Variants in ZBTB7C observed in about 807,000 individuals in gnomAD.
The protein encoded by ZBTB7C is zinc finger and BTB domain containing 7C.
A neutral mutation model predicts 25.7 loss-of-function variants in ZBTB7C; 8 were observed. The ratio of observed to expected loss-of-function variants is 0.31; its 90% CI spans 0.18 to 0.56. ZBTB7C has a LOEUF of 0.56. ZBTB7C is among the 20% of genes least tolerant of loss of function. ZBTB7C has a pLI of 0.91. For missense variants in ZBTB7C, 824 were observed against 855.2 expected (o/e 0.96, Z 0.46); for synonymous variants, 394 against 369.0 (o/e 1.07, Z -0.78).
rs149460914 is a variant in ZBTB7C at position 48,044,188 on chromosome 18, C to T, written c.-16-3065G>A. ...GCATTTCTCTGGGGGCTCAGATGGA[C>T]CATACCCACCCAGATCCCTCGAGGG... On this transcript the variant is annotated intron_variant, in intron 3 of 4. Transcript: ENST00000590800. 5.3e-3 allele frequency among the ~76,000 whole-genome samples: 805 copies of T among 152,318 alleles called. 9 individuals carry two copies. Among genetic ancestry groups the T allele is most frequent in the African/African-American group, 0.018 (751 of 41,576 alleles).
At chr18:48,179,780 T>G (rs2041828314) in intron 3 of ZBTB7C, among the ~76,000 whole-genome samples, 1 of 117,392 alleles carries the variant, frequency 8.5e-6, no homozygotes, top group Non-Finnish European at 1.7e-5. Context: ...ATATTTCTCC[T>G]TCTCTCCCTC....
chr18:48,302,671 G>A (rs958844912), intron 2 of ZBTB7C, among the ~76,000 whole-genome samples: 1 of 151,864 alleles, frequency 6.6e-6, no homozygotes, highest in African/African-American at 2.4e-5. Flanking sequence ...TTAGATATTT[G>A]AGTCTGAACC....
At chr18:48,401,574 C>T (rs898254570) in intron 1 of ZBTB7C, among the ~76,000 whole-genome samples, 33 of 152,178 alleles carry the variant, frequency 2.2e-4, no homozygotes, top group African/African-American at 7.7e-4. Flanking sequence ...TCAGTTTCCC[C>T]ATCTGCAGTA....
chr18:48,066,016 G>A (rs1280824963), intron 3 of ZBTB7C, among the ~76,000 whole-genome samples: 1 of 152,174 alleles, frequency 6.6e-6, no homozygotes, highest in Non-Finnish European at 1.5e-5. Flanking sequence ...ATGCATGGAA[G>A]CTTCTTGTGT....
At chr18:48,361,012 G>A (rs2047092475) in intron 1 of ZBTB7C, among the ~76,000 whole-genome samples, 1 of 152,146 alleles carries the variant, frequency 6.6e-6, no homozygotes, top group Non-Finnish European at 1.5e-5. Flanking sequence ...GAAGATGCCA[G>A]TGGAGGGAGA....
intron 2 of ZBTB7C, among the ~76,000 whole-genome samples, chr18:48,247,660 C>T (rs2043732619): frequency 6.6e-6 from 1 of 152,216 alleles, no homozygotes; most frequent in African/African-American, 2.4e-5. Context: ...TTTGTGTCCC[C>T]ACCCAAATCT....
At chr18:48,120,959 G>A (rs2039607850) in intron 3 of ZBTB7C, among the ~76,000 whole-genome samples, 2 of 152,236 alleles carry the variant, frequency 1.3e-5, no homozygotes, top group Admixed American at 1.3e-4. Flanking sequence ...CTGATTTTGG[G>A]AGGTACCAAG....
chr18:48,061,185 G>A (rs2037113147), intron 3 of ZBTB7C, among the ~76,000 whole-genome samples: 1 of 152,192 alleles, frequency 6.6e-6, no homozygotes, highest in Non-Finnish European at 1.5e-5. Context: ...GGAAAAATGT[G>A]TACACAGATG....
intron 3 of ZBTB7C, among the ~76,000 whole-genome samples, chr18:48,084,770 G>T (rs199598256): frequency 1.3e-5 from 2 of 152,330 alleles, no homozygotes; most frequent in Admixed American, 1.3e-4. Context: ...GACCTAGTAA[G>T]TATGTTGAGT....
At chr18:48,151,477 A>G (rs758966094) in intron 3 of ZBTB7C, among the ~76,000 whole-genome samples, 24 of 140,360 alleles carry the variant, frequency 1.7e-4, no homozygotes, top group Non-Finnish European at 1.6e-5. Flanking sequence ...TGCACTGTTC[A>G]AAAGAGTCCG....
At chr18:48,052,493 A>C (rs922953067) in intron 3 of ZBTB7C, among the ~76,000 whole-genome samples, 1 of 152,148 alleles carries the variant, frequency 6.6e-6, no homozygotes, top group African/African-American at 2.4e-5. Flanking sequence ...CCACGTGCCA[A>C]GGGCTCCCAG....
At chr18:48,111,997 A>G (rs1194477322) in intron 3 of ZBTB7C, among the ~76,000 whole-genome samples, 2 of 152,196 alleles carry the variant, frequency 1.3e-5, no homozygotes, top group Non-Finnish European at 2.9e-5. Context: ...TGTGGAAATG[A>G]CTTTAAATGT....
intron 1 of ZBTB7C, among the ~76,000 whole-genome samples, chr18:48,399,177 G>C (rs1599042646): frequency 6.6e-6 from 1 of 152,286 alleles, no homozygotes; most frequent in East Asian, 1.9e-4. Flanking sequence ...CATGCGCATG[G>C]ATGCACACAT....
chr18:48,026,720 T>C lies in ZBTB7C; in HGVS notation c.*2540A>G, dbSNP rs1418395639. Reference sequence around the variant, plus strand: ...ACTCAAAACACTGTCCTTTAAAGTATAAAATAAGGGTCAAAGGTTTTTTTT... The same window carrying C: ...ACTCAAAACACTGTCCTTTAAAGTACAAAATAAGGGTCAAAGGTTTTTTTT... On this transcript the variant is annotated 3_prime_UTR_variant, in exon 5 of 5. Coordinates refer to ENST00000590800, the MANE Select transcript of ZBTB7C (RefSeq NM_001318841.2). The C allele has an allele frequency of 1.3e-5, 2 of 149,576 alleles. No homozygotes were observed. Among genetic ancestry groups the C allele is most frequent in the Non-Finnish European group, 3.0e-5 (2 of 67,750 alleles). The allele number at this position is 149,576 out of a possible 1,614,324, so 9.3% of individuals were successfully genotyped here. A position where few individuals can be genotyped will look rare whatever the true frequency, so the allele number is the denominator to read the frequency against.
chr18:48,048,229 T>C lies in ZBTB7C; in HGVS notation c.-16-7106A>G, dbSNP rs137939376. Among the ~76,000 whole-genome samples, 772 of 152,242 alleles carry C rather than the reference T, an allele frequency of 5.1e-3. 4 individuals are homozygous for C. The highest frequency in any genetic ancestry group is 0.024 in the Middle Eastern group (7 of 294). Reference sequence around the variant, plus strand: ...TGGGCTGGGGGTCAGGGAAGGCTTCTAGGAACAGGGGCCTTGTCTGAGCTG... The same window carrying C: ...TGGGCTGGGGGTCAGGGAAGGCTTCCAGGAACAGGGGCCTTGTCTGAGCTG... On this transcript the variant is annotated intron_variant, in intron 3 of 4. Coordinates refer to ENST00000590800, the MANE Select transcript of ZBTB7C (RefSeq NM_001318841.2).
At chr18:48,227,930 A>G (rs1176783330) in intron 2 of ZBTB7C, among the ~76,000 whole-genome samples, 1 of 152,208 alleles carries the variant, frequency 6.6e-6, no homozygotes, top group Non-Finnish European at 1.5e-5. Flanking sequence ...ACTAAAGAGC[A>G]TAACTTCTCA....
rs535535757 is a variant in ZBTB7C, at chr18:48,161,796, C to G, written c.-17+24138G>C. 2.8e-5 allele frequency among the ~76,000 whole-genome samples: 4 copies of G among 144,734 alleles called. 1 individual carries two copies. The South Asian group carries it at 8.4e-4, about 30-fold the overall frequency. The allele number at this position is 144,734 out of a possible 152,430, so 95.0% of individuals were successfully genotyped here. ...GGGCGCCCCGCCCTCTCCCTCCACTCTGCGCCCCCGCGGCCTCTCTCTCCT... is the reference window on the plus strand; with the variant it reads ...GGGCGCCCCGCCCTCTCCCTCCACTGTGCGCCCCCGCGGCCTCTCTCTCCT... On this transcript the variant is annotated intron_variant, in intron 3 of 4. Coordinates refer to ENST00000590800, the MANE Select transcript of ZBTB7C (RefSeq NM_001318841.2).
At chr18:48,235,475 AT>A (rs145506059) in intron 2 of ZBTB7C, among the ~76,000 whole-genome samples, 8,549 of 152,094 alleles carry the variant, frequency 0.056, 396 homozygotes, top group East Asian at 0.18. Flanking sequence ...GATGTATCTC[AT>A]TTTTTTCATC....
intron 3 of ZBTB7C, among the ~76,000 whole-genome samples, chr18:48,108,410 C>A (rs909807043): frequency 2.6e-5 from 4 of 152,144 alleles, no homozygotes; most frequent in East Asian, 1.9e-4. Flanking sequence ...CAGACAAACA[C>A]CCTGGGGAAA....
Sources: allele counts gnomAD v4.1 joint callset (sites outside exome capture counted in the v4.1 genomes callset), GRCh38; gene constraint gnomAD v4.1.1; transcripts MANE v1.5; gene names NCBI Gene and HGNC (gene_info 2026-07-23, HGNC 2026-07-21).